Variants in SLC1A2 observed in about 807,000 individuals in gnomAD.
The protein encoded by SLC1A2 is solute carrier family 1 member 2, also known as excitatory amino acid transporter 2.
A neutral mutation model predicts 48.8 loss-of-function variants in SLC1A2; 15 were observed. That is an observed-to-expected ratio of 0.31 (90% CI 0.21 to 0.47). SLC1A2 has a LOEUF of 0.47. Ranked by LOEUF, SLC1A2 falls within the 20% of genes least tolerant of loss-of-function variation. The probability of loss-of-function intolerance (pLI) is 0.99; values close to 1 mark genes in which losing one functional copy is unlikely to be tolerated. For missense variants in SLC1A2, 502 were observed against 730.5 expected (o/e 0.69, Z 3.61); for synonymous variants, 279 against 272.6 (o/e 1.02, Z -0.23).
At chr11:35,301,034 A>G (rs1300706559) in intron 6 of SLC1A2, among the ~76,000 whole-genome samples, 1 of 152,196 alleles carries the variant, frequency 6.6e-6, no homozygotes, top group East Asian at 1.9e-4. Flanking sequence ...CAAAAAAATT[A>G]CAATAGAATA....
At chr11:35,362,941 T>G (rs1399493234) in intron 1 of SLC1A2, among the ~76,000 whole-genome samples, 1 of 152,232 alleles carries the variant, frequency 6.6e-6, no homozygotes, top group Non-Finnish European at 1.5e-5. Context: ...TTCTAAATGC[T>G]TCACATTTGG....
chr11:35,368,786 T>C (rs886543828), intron 1 of SLC1A2, among the ~76,000 whole-genome samples: 5 of 152,196 alleles, frequency 3.3e-5, no homozygotes, highest in African/African-American at 9.7e-5. Flanking sequence ...AGCCATGATG[T>C]CCCTGACACG....
At chr11:35,299,558 A>G (rs1308138957) in intron 6 of SLC1A2, 3 of 152,166 alleles carry the variant, frequency 2.0e-5, no homozygotes, top group Non-Finnish European at 2.9e-5. Context: ...TAAAACAATG[A>G]TCTGAACAAG....
chr11:35,385,250 A>T (rs1378720425), intron 1 of SLC1A2, among the ~76,000 whole-genome samples: 3 of 152,230 alleles, frequency 2.0e-5, no homozygotes, highest in Admixed American at 2.0e-4. Context: ...AGGGTAACAG[A>T]TGGCTTTTTC....
At chr11:35,299,351 C>CTGTGTGTGTGTGTGTG in intron 6 of SLC1A2, 1 of 93,512 alleles carries the variant, frequency 1.1e-5, no homozygotes, top group African/African-American at 3.2e-5. Flanking sequence ...CTCTCTCTCT[C>CTGTGTGTGTGTGTGTG]TCTGTGTGTG....
chr11:35,266,253 T>C (rs999820677), intron 9 of SLC1A2, among the ~76,000 whole-genome samples: 6 of 152,192 alleles, frequency 3.9e-5, no homozygotes, highest in African/African-American at 1.4e-4. Flanking sequence ...TTTCTCATAG[T>C]AGAAAAGTCA....
chr11:35,362,294 G>A (rs374775907), intron 1 of SLC1A2, among the ~76,000 whole-genome samples: 1 of 152,120 alleles, frequency 6.6e-6, no homozygotes, highest in Non-Finnish European at 1.5e-5. Flanking sequence ...CCCCTCCCTG[G>A]GCCATTTCAA....
chr11:35,382,930 CTG>C (rs1254430851), intron 1 of SLC1A2, among the ~76,000 whole-genome samples: 2 of 152,110 alleles, frequency 1.3e-5, no homozygotes, highest in Non-Finnish European at 2.9e-5. Flanking sequence ...AATCTGAAAA[CTG>C]ATCCTGCTTT....
intron 9 of SLC1A2, among the ~76,000 whole-genome samples, chr11:35,278,273 GTTTTTTTTTTT>G (rs35889672): frequency 3.4e-5 from 3 of 88,662 alleles, no homozygotes; most frequent in African/African-American, 1.3e-4. Context: ...GTTTTTTTTT[GTTTTTTTTTTT>G]TTTTTTTTTA....
intron 8 of SLC1A2, among the ~76,000 whole-genome samples, chr11:35,283,365 C>G (rs1850702366): frequency 1.3e-5 from 2 of 152,180 alleles, no homozygotes; most frequent in African/African-American, 4.8e-5. Context: ...AAACAAACTG[C>G]AGGCATGAAG....
intron 1 of SLC1A2, among the ~76,000 whole-genome samples, chr11:35,416,316 G>C (rs2421897): frequency 0.085 from 12,946 of 152,216 alleles, 1,314 homozygotes; most frequent in African/African-American, 0.24. Context: ...ATCATTTTCA[G>C]ATGATAACCC....
At chr11:35,374,315 G>T in intron 1 of SLC1A2, 1 of 1,051,232 alleles carries the variant, frequency 9.5e-7, no homozygotes, top group Non-Finnish European at 1.4e-6. Context: ...CTCCAGAAGA[G>T]TGGAAATGCC....
At chr11:35,344,753 G>T (rs1358125084) in intron 1 of SLC1A2, among the ~76,000 whole-genome samples, 1 of 152,178 alleles carries the variant, frequency 6.6e-6, no homozygotes, top group African/African-American at 2.4e-5. Flanking sequence ...AAAAGAATGG[G>T]AGACCCTTCC....
chr11:35,371,208 T>C (rs1885346), intron 1 of SLC1A2: 235,098 of 302,662 alleles, frequency 0.78, 92,432 homozygotes, highest in East Asian at 0.95. Flanking sequence ...CATTTCCTTG[T>C]TTCCCATTGT....
In SLC1A2 at chr11:35,254,806, GC is replaced by G. The variant is rs1565190973; in HGVS notation, c.*6087del. On this transcript the variant is annotated 3_prime_UTR_variant, in exon 11 of 11. Coordinates refer to ENST00000278379, the MANE Select transcript of SLC1A2 (RefSeq NM_004171.4). ...CTGGTTTTATTCTCAGCACAAAAGG[GC>G]CCTGTGTAAAAACCAGAAGGATTTT... The G allele has an allele frequency of 2.2e-6, 1 of 455,994 alleles. No individual in the cohort carries two copies. The highest frequency in any genetic ancestry group is 1.5e-5 in the South Asian group (1 of 64,534). 28.2% of individuals were successfully genotyped at this position (455,994 alleles called of 1,614,324 possible). A position where few individuals can be genotyped will look rare whatever the true frequency, so the allele number is the denominator to read the frequency against.
chr11:35,313,356 C>G (rs1220981352), intron 3 of SLC1A2, among the ~76,000 whole-genome samples: 1 of 152,128 alleles, frequency 6.6e-6, no homozygotes, highest in Non-Finnish European at 1.5e-5. Context: ...TAGGGAACAC[C>G]CCGTGAAGCA....
intron 1 of SLC1A2, among the ~76,000 whole-genome samples, chr11:35,405,705 T>A (rs1855269422): frequency 6.6e-6 from 1 of 152,194 alleles, no homozygotes; most frequent in South Asian, 2.1e-4. Context: ...CATGAATGAC[T>A]GTGACAAATA....
chr11:35,326,894 A>G (rs1852268740), intron 1 of SLC1A2, among the ~76,000 whole-genome samples: 3 of 152,176 alleles, frequency 2.0e-5, no homozygotes, highest in Admixed American at 1.3e-4. Flanking sequence ...CAACCCATTC[A>G]CTGACACCTT....
chr11:35,262,725 A>G (rs552730794), intron 10 of SLC1A2, among the ~76,000 whole-genome samples: 2 of 152,392 alleles, frequency 1.3e-5, no homozygotes, highest in African/African-American at 4.8e-5. Context: ...TGCTTTACCT[A>G]GCAAAGGCTG....
Sources: allele counts gnomAD v4.1 joint callset (sites outside exome capture counted in the v4.1 genomes callset), GRCh38; gene constraint gnomAD v4.1.1; transcripts MANE v1.5; gene names NCBI Gene and HGNC (gene_info 2026-07-23, HGNC 2026-07-21).